The following RALGAPA2 variants were observed in gnomAD, a reference collection of about 807,000 sequenced individuals.
RALGAPA2 encodes the protein Ral GTPase activating protein catalytic subunit alpha 2, also known as ral GTPase-activating protein subunit alpha-2.
RALGAPA2 carries 139 observed loss-of-function variants against 230.4 expected under a neutral mutation model. The ratio of observed to expected loss-of-function variants is 0.60; its 90% confidence interval spans 0.53 to 0.69. RALGAPA2 has a LOEUF of 0.69. Among genes scored for constraint, RALGAPA2 ranks in the 30% least tolerant of loss-of-function variants. The pLI, the probability that RALGAPA2 is intolerant of heterozygous loss-of-function variation, is 0.00. For missense variants in RALGAPA2, 2,163 were observed against 2,276.0 expected (o/e 0.95, Z 1.01); for synonymous variants, 847 against 837.8 (o/e 1.01, Z -0.19).
chr20:20,676,631 T>C (rs1317788891), intron 2 of RALGAPA2, among the ~76,000 whole-genome samples: 1 of 152,220 alleles, frequency 6.6e-6, no homozygotes, highest in East Asian at 1.9e-4. Context: ...GAAAAATTTC[T>C]AAGTTGGTAA....
intron 37 of RALGAPA2, among the ~76,000 whole-genome samples, chr20:20,441,309 G>T (rs1197684528): frequency 2.0e-5 from 3 of 152,244 alleles, no homozygotes; most frequent in African/African-American, 7.2e-5. Context: ...AAACAAGTGG[G>T]AAGTGGGACA....
At chr20:20,482,601 T>C (rs2061805277) in intron 36 of RALGAPA2, among the ~76,000 whole-genome samples, 1 of 152,168 alleles carries the variant, frequency 6.6e-6, no homozygotes, top group South Asian at 2.1e-4. Context: ...CTAGCTGGTT[T>C]GTATGAATGC....
chr20:20,574,670 A>C (rs923544963), intron 20 of RALGAPA2, among the ~76,000 whole-genome samples: 5 of 152,218 alleles, frequency 3.3e-5, no homozygotes, highest in African/African-American at 1.2e-4. Flanking sequence ...AGAGGCAAGC[A>C]TTTTAACTGC....
intron 23 of RALGAPA2, among the ~76,000 whole-genome samples, chr20:20,558,720 C>A (rs1245149564): frequency 6.6e-6 from 1 of 151,536 alleles, no homozygotes; most frequent in African/African-American, 2.4e-5. Context: ...AATTAAGATT[C>A]CTATTCTTCC....
chr20:20,513,370 G>A, intron 31 of RALGAPA2, 86 bp from the exon 32 acceptor site: 2 of 1,129,136 alleles, frequency 1.8e-6, no homozygotes, highest in South Asian at 3.3e-5. Context: ...GGGGGCAGGG[G>A]GCAGTTCCAA....
intron 23 of RALGAPA2, among the ~76,000 whole-genome samples, chr20:20,567,773 G>C (rs1025627081): frequency 1.3e-5 from 2 of 151,226 alleles, no homozygotes; most frequent in Non-Finnish European, 2.9e-5. Context: ...CGGGAGGACT[G>C]CTTGAGCCCA....
chr20:20,571,525 A>G lies in RALGAPA2; in HGVS notation c.3089T>C (p.Leu1030Pro). ...ATGCACCAGGAAATCTGAGTTTGGC[A>G]GAACGTCCTGGCGTCTGGTCATCAT... ...CAMMTRRQDV[L>P]PNSDFLVHFY... Residue 1030 changes from leucine to proline, a missense_variant, in exon 23 of 40, where the codon CTG (leucine) becomes CCG (proline). Transcript: ENST00000202677. 1 of 1,612,872 alleles carries G rather than the reference A, an allele frequency of 6.2e-7. No homozygotes were observed. The highest frequency in any genetic ancestry group is 1.7e-5 in the Admixed American group (1 of 59,852).
Position 20,555,250 on chromosome 20 carries a change from T to C in RALGAPA2, c.3157-8418A>G, listed in dbSNP as rs531572960. Reference sequence around the variant, plus strand: ...CTGACTATGGGCTTACGAGTTTACTTCTAGACTCTTAATTCTATTCCATTG... The same window carrying C: ...CTGACTATGGGCTTACGAGTTTACTCCTAGACTCTTAATTCTATTCCATTG... On this transcript the variant is annotated intron_variant, in intron 23 of 39. Coordinates refer to ENST00000202677, the MANE Select transcript of RALGAPA2 (RefSeq NM_020343.4). 2.6e-5 allele frequency among the ~76,000 whole-genome samples: 4 copies of C among 152,338 alleles called. No homozygotes were observed. In the East Asian group the frequency reaches 5.8e-4, roughly 22 times the overall value.
At chr20:20,528,235 C>T (rs1205526574) in intron 27 of RALGAPA2, among the ~76,000 whole-genome samples, 4 of 152,178 alleles carry the variant, frequency 2.6e-5, no homozygotes, top group African/African-American at 7.2e-5. Context: ...CATTTGCTCT[C>T]TCACTTCTCC....
intron 37 of RALGAPA2, among the ~76,000 whole-genome samples, chr20:20,434,459 A>G (rs186423916): frequency 1.3e-5 from 2 of 152,136 alleles, no homozygotes; most frequent in African/African-American, 2.4e-5. Context: ...TTCAGCCACA[A>G]CCAGAAATGG....
chr20:20,431,537 A>G (rs890758289), intron 37 of RALGAPA2, among the ~76,000 whole-genome samples: 1 of 152,234 alleles, frequency 6.6e-6, no homozygotes, highest in Non-Finnish European at 1.5e-5. Flanking sequence ...CAGGCTTTAT[A>G]TAATTTTAAA....
chr20:20,637,574 G>T, intron 7 of RALGAPA2, 73 bp from the exon 8 acceptor site: 1 of 1,284,682 alleles, frequency 7.8e-7, no homozygotes, highest in Non-Finnish European at 1.0e-6. Flanking sequence ...CTGAAGTGTT[G>T]TTATGTTACT....
At chr20:20,453,582 T>A (rs1420150117) in intron 37 of RALGAPA2, among the ~76,000 whole-genome samples, 2 of 152,212 alleles carry the variant, frequency 1.3e-5, no homozygotes, top group Non-Finnish European at 2.9e-5. Flanking sequence ...CTTTCTTCCA[T>A]CAAGTCCCTG....
chr20:20,486,819 G>C (rs76869236), intron 36 of RALGAPA2, among the ~76,000 whole-genome samples: 4,976 of 152,182 alleles, frequency 0.033, 103 homozygotes, highest in South Asian at 0.062. Flanking sequence ...CACATCCACA[G>C]GCTCACAATT....
intron 31 of RALGAPA2, among the ~76,000 whole-genome samples, chr20:20,515,920 C>T (rs949382195): frequency 1.3e-5 from 2 of 152,188 alleles, no homozygotes; most frequent in Admixed American, 1.3e-4. Context: ...TACCCGAAAG[C>T]CAGGTGGGAA....
intron 3 of RALGAPA2, among the ~76,000 whole-genome samples, chr20:20,660,516 A>G (rs76210634): frequency 1.0e-4 from 15 of 150,458 alleles, no homozygotes; most frequent in Non-Finnish European, 1.9e-4. Context: ...ACAAAAGTAC[A>G]GGCCTGTTTT....
rs1429757607 is a variant in RALGAPA2, at chr20:20,393,133, C to G, written c.*156G>C. ...AGACCTGCTGAGGGCACTAGTACAG[C>G]AACGAAATTTCCTGGAGATTCTGGG... is the stretch of plus-strand genomic sequence containing the variant. On this transcript the variant is annotated 3_prime_UTR_variant, in exon 40 of 40. Coordinates refer to ENST00000202677, the MANE Select transcript of RALGAPA2 (RefSeq NM_020343.4). 1 of 1,360,580 alleles carries G rather than the reference C, an allele frequency of 7.3e-7. No individual in the cohort carries two copies. The highest frequency in any genetic ancestry group is 9.8e-7 in the Non-Finnish European group (1 of 1,019,386). 84.3% of individuals were successfully genotyped at this position (1,360,580 alleles called of 1,614,324 possible).
At chr20:20,636,779 C>T (rs1351921902) in intron 8 of RALGAPA2, among the ~76,000 whole-genome samples, 2 of 152,154 alleles carry the variant, frequency 1.3e-5, no homozygotes, top group African/African-American at 4.8e-5. Context: ...ATGCTTCTGT[C>T]CTGTGAGTCC....
intron 3 of RALGAPA2, among the ~76,000 whole-genome samples, chr20:20,675,980 A>T (rs1458220997): frequency 6.6e-6 from 1 of 152,060 alleles, no homozygotes; most frequent in Non-Finnish European, 1.5e-5. Flanking sequence ...AGATGTGTGT[A>T]CTCCTCCATC....
Sources: allele counts gnomAD v4.1 joint callset (sites outside exome capture counted in the v4.1 genomes callset), GRCh38; gene constraint gnomAD v4.1.1; transcripts MANE v1.5; gene names NCBI Gene and HGNC (gene_info 2026-07-23, HGNC 2026-07-21).